PALD1: variants seen among roughly 807,000 people sequenced by gnomAD.
PALD1 encodes the protein paladin.
Under a neutral mutation model 96.0 loss-of-function variants are expected in PALD1, and 57 were observed. That is an observed-to-expected ratio of 0.59 (90% CI 0.48 to 0.74). The LOEUF (loss-of-function observed/expected upper bound fraction) is 0.74, where lower values mean the gene tolerates loss of function less well. Ranked by LOEUF, PALD1 falls within the 30% of genes least tolerant of loss-of-function variation. The pLI is 0.00. For synonymous variants in PALD1, 464 were observed against 473.6 expected (o/e 0.98, Z 0.26); for missense variants, 1,063 against 1,143.7 (o/e 0.93, Z 1.02).
At chr10:70,483,024 A>C (rs1434466135) in intron 1 of PALD1, among the ~76,000 whole-genome samples, 1 of 152,056 alleles carries the variant, frequency 6.6e-6, no homozygotes, top group Non-Finnish European at 1.5e-5. Context: ...TATGAGGTGC[A>C]GGGGCTCCGA....
the PALD1 span, among the ~76,000 whole-genome samples, chr10:70,461,065 T>G: frequency 2.0e-5 from 3 of 150,546 alleles, no homozygotes; most frequent in South Asian, 4.2e-4. Context: ...CAAAAAAAAA[T>G]AAAAGAAAAT....
At chr10:70,531,211 G>A in intron 4 of PALD1, 79 bp from the exon 5 acceptor site, 1 of 1,211,414 alleles carries the variant, frequency 8.3e-7, no homozygotes. Flanking sequence ...CTTGGGCAGA[G>A]GCCCTGAGGT....
intron 1 of PALD1, among the ~76,000 whole-genome samples, chr10:70,490,406 T>C (rs1372572013): frequency 6.6e-6 from 1 of 152,140 alleles, no homozygotes; most frequent in Non-Finnish European, 1.5e-5. Context: ...GTTTTTTTAA[T>C]AGAGACAAGG....
chr10:70,481,091 A>G (rs1201824638), intron 1 of PALD1, among the ~76,000 whole-genome samples: 2 of 152,232 alleles, frequency 1.3e-5, no homozygotes, highest in Admixed American at 6.5e-5. Flanking sequence ...ACAGACATAT[A>G]GGTAGACCCA....
At chr10:70,481,322 T>A (rs1344809316) in intron 1 of PALD1, among the ~76,000 whole-genome samples, 1 of 152,208 alleles carries the variant, frequency 6.6e-6, no homozygotes, top group Non-Finnish European at 1.5e-5. Flanking sequence ...TATCACTGTT[T>A]CCCTGCGTGG....
At chr10:70,479,389 T>C (rs1371111171) in intron 1 of PALD1, among the ~76,000 whole-genome samples, 3 of 151,894 alleles carry the variant, frequency 2.0e-5, no homozygotes, top group Admixed American at 2.0e-4. Flanking sequence ...TCCCGCGAAG[T>C]TAGGGGGAGA....
In PALD1 at chr10:70,539,316, A is replaced by G; in HGVS notation, c.1725+69A>G. 6.9e-7 allele frequency: 1 copy of G among 1,455,790 alleles called. No individual in the cohort carries two copies. Among genetic ancestry groups the G allele is most frequent in the Non-Finnish European group, 9.3e-7 (1 of 1,080,292 alleles). The allele number at this position is 1,455,790 out of a possible 1,614,324, so 90.2% of individuals were successfully genotyped here. ...TGGGGAGTGGCCTGGGAGGGTCTTC[A>G]GAAGGCCTCACACTCCCGCAGACAG... is the stretch of plus-strand genomic sequence containing the variant. On this transcript the variant is annotated intron_variant, in intron 14 of 19. Transcript: ENST00000263563. This position sits in a 1 kb window ranked among gnomAD's most constrained non-coding sequence, Gnocchi z 4.5.
intron 17 of PALD1, 59 bp downstream of exon 17, chr10:70,541,593 C>T (rs1847249774): frequency 7.6e-7 from 1 of 1,315,248 alleles, no homozygotes; most frequent in Non-Finnish European, 1.1e-6. Context: ...AGGAGGACTC[C>T]TGCTTGCCGG....
intron 18 of PALD1, 97 bp downstream of exon 18, chr10:70,547,543 G>GCCCC: frequency 4.5e-6 from 4 of 893,582 alleles, no homozygotes; most frequent in Non-Finnish European, 6.6e-6. Context: ...GTTGCTAGGG[G>GCCCC]TCCTAGGGGC....
intron 18 of PALD1, among the ~76,000 whole-genome samples, chr10:70,549,168 T>A (rs1319437485): frequency 6.6e-6 from 1 of 152,102 alleles, no homozygotes; most frequent in Non-Finnish European, 1.5e-5. Flanking sequence ...CACAGTTAGA[T>A]TGGGTCCTGA....
chr10:70,467,369 C>G, the PALD1 span, among the ~76,000 whole-genome samples: 2 of 104,272 alleles, frequency 1.9e-5, no homozygotes, highest in African/African-American at 7.8e-5. Context: ...GGCAGTCCCC[C>G]GGGAGGAGGT....
chr10:70,501,163 G>A (rs901141070), intron 1 of PALD1, among the ~76,000 whole-genome samples: 2 of 152,164 alleles, frequency 1.3e-5, no homozygotes, highest in African/African-American at 4.8e-5. Flanking sequence ...TGAGGCCCAG[G>A]GAGGGGAGAG....
At chr10:70,485,921 G>T (rs374657752) in intron 1 of PALD1, 1 of 165,282 alleles carries the variant, frequency 6.1e-6, no homozygotes, top group South Asian at 1.6e-4. Flanking sequence ...CTTCACAGAC[G>T]AGGACTCTGG....
chr10:70,524,160 C>T (rs915046843), intron 1 of PALD1, among the ~76,000 whole-genome samples: 2 of 152,186 alleles, frequency 1.3e-5, no homozygotes, highest in Non-Finnish European at 2.9e-5. Flanking sequence ...GGGAAGGTTG[C>T]CATGCTCTAA....
chr10:70,555,380 A>G (rs1324723037), intron 18 of PALD1, among the ~76,000 whole-genome samples: 1 of 152,194 alleles, frequency 6.6e-6, no homozygotes, highest in African/African-American at 2.4e-5. Context: ...GAAGAAACTG[A>G]GGCCTAATGA....
intron 1 of PALD1, among the ~76,000 whole-genome samples, chr10:70,487,003 G>C (rs1022994767): frequency 6.6e-6 from 1 of 152,126 alleles, no homozygotes; most frequent in African/African-American, 2.4e-5. Context: ...ACGAGCCCCA[G>C]AGTTGCCCTT....
intron 3 of PALD1, among the ~76,000 whole-genome samples, 165 bp from the exon 4 acceptor site, chr10:70,529,724 T>C (rs1290011696): frequency 3.3e-5 from 5 of 152,100 alleles, no homozygotes; most frequent in Non-Finnish European, 7.4e-5. Flanking sequence ...GAGTTATATA[T>C]TTTGTCTGTT....
At position 70,494,306 on chromosome 10, in the gene PALD1, G is replaced by T. The variant is rs189261782; in HGVS notation, c.-30+15247G>T. Among the ~76,000 whole-genome samples the T allele has an allele frequency of 2.6e-4, 40 of 152,312 alleles. 1 individual carries two copies. The East Asian group carries it at 4.8e-3, about 18-fold the overall frequency. ...TAGTTTATTTCTGTGTCTCTTGCTA[G>T]TGTGCATGAGGCAGGGATTTTTGCT... On this transcript the variant is annotated intron_variant, in intron 1 of 19. Transcript: ENST00000263563.
rs372928830 is a variant in PALD1 at position 70,518,877 on chromosome 10, T to A, written c.-29-7046T>A. Among the ~76,000 whole-genome samples the A allele has an allele frequency of 1.8e-4, 27 of 152,264 alleles. No individual in the cohort carries two copies. In the East Asian group the frequency reaches 5.0e-3, roughly 28 times the overall value. ...AGTCACACACTCTCGACCAACACAG[T>A]GACTGACTAGCATAATTCCATACTG... On this transcript the variant is annotated intron_variant, in intron 1 of 19. Coordinates refer to ENST00000263563, the MANE Select transcript of PALD1 (RefSeq NM_014431.3).
Sources: gnomAD v4.1 joint callset for allele counts (sites outside exome capture counted in the v4.1 genomes callset) on GRCh38, gnomAD v4.1.1 for gene constraint, Gnocchi (gnomAD v3.1) non-coding constraint, MANE v1.5 for transcripts, NCBI Gene and HGNC (gene_info 2026-07-23, HGNC 2026-07-21) for gene names.